CALY: variants seen among roughly 807,000 people sequenced by gnomAD.
CALY encodes neuron-specific vesicular protein calcyon.
CALY carries 15 observed loss-of-function variants against 20.2 expected under a neutral mutation model. The ratio of observed to expected loss-of-function variants is 0.74; its 90% CI spans 0.50 to 1.14. CALY has a LOEUF of 1.14. Among genes scored for constraint, CALY ranks in the 50% most tolerant of loss-of-function variants. CALY has a pLI of 0.00. For synonymous variants in CALY, 129 were observed against 131.8 expected, an observed-to-expected ratio of 0.98 and a Z score of 0.15; for missense variants, 270 against 304.4, an observed-to-expected ratio of 0.89 and a Z score of 0.84.
intron 1 of CALY, among the ~76,000 whole-genome samples, chr10:133,334,544 G>A (rs1299956867): frequency 1.5e-4 from 18 of 123,370 alleles, no homozygotes; most frequent in Non-Finnish European, 1.5e-4. Flanking sequence ...CTCTGAGGGG[G>A]GAAGGCTCTG....
intron 3 of CALY, chr10:133,327,659 A>G: frequency 1.6e-6 from 1 of 618,696 alleles, no homozygotes; most frequent in Non-Finnish European, 2.9e-6. Context: ...GGCACTTCCC[A>G]GAAAGAAAAA....
At position 133,325,936 on chromosome 10, in the gene CALY, G is replaced by A. The variant is rs1473961402; in HGVS notation, c.545C>T (p.Ala182Val). 2 of 1,371,922 alleles carry A rather than the reference G, an allele frequency of 1.5e-6. No individual in the cohort carries two copies. Among genetic ancestry groups the A allele is most frequent in the Admixed American group, 3.0e-5 (1 of 33,050 alleles). The allele number at this position is 1,371,922 out of a possible 1,614,324, so 85.0% of individuals were successfully genotyped here. A position where few individuals can be genotyped will look rare whatever the true frequency, so the allele number is the denominator to read the frequency against. ...TTCGGTGGCCGCCGCCGCCGCCCCA[G>A]CCTGGGTGGGCCCCTTGCGCTCCTC... ...AKEERKGPTQ[A>V]GAAAAATEPP... The change falls in exon 5 of 6, where the codon GCT (alanine) becomes GTT (valine). Residue 182 changes from alanine (A) to valine (V), a missense_variant. Transcript: ENST00000252939.
Position 133,326,092 on chromosome 10 carries a change from T to A in CALY, c.389A>T (p.Glu130Val). The A allele has an allele frequency of 6.3e-7, 1 of 1,598,914 alleles. No homozygotes were observed. Among genetic ancestry groups the A allele is most frequent in the Non-Finnish European group, 8.5e-7 (1 of 1,170,212 alleles). Residue 130 changes from glutamate (E) to valine (V), a missense_variant, in exon 5 of 6, where the codon GAG becomes GTG. Coordinates refer to ENST00000252939, the MANE Select transcript of CALY (RefSeq NM_015722.4). ...RHKICTPLTL[E>V]MYYTEMDPER... ...GGGGTCCATCTCCGTGTAGTACATC[T>A]CCAGGGTCAGCGGCGTGCAGATCTT...
At chr10:133,326,638 AC>A (rs1378207313) in intron 4 of CALY, among the ~76,000 whole-genome samples, 1 of 152,146 alleles carries the variant, frequency 6.6e-6, no homozygotes, top group Non-Finnish European at 1.5e-5. Context: ...CTGCAGGGTG[AC>A]CTTTTCTGCC....
At chr10:133,326,173 C>A (rs1848205914) in intron 4 of CALY, 53 bp from the exon 5 acceptor site, 1 of 1,570,476 alleles carries the variant, frequency 6.4e-7, no homozygotes, top group Admixed American at 1.9e-5. Flanking sequence ...CTGTGCGCCC[C>A]GGGCCCAGGC....
At chr10:133,336,098 G>C (rs1207915689) in intron 1 of CALY, among the ~76,000 whole-genome samples, 1 of 152,104 alleles carries the variant, frequency 6.6e-6, no homozygotes, top group Non-Finnish European at 1.5e-5. Flanking sequence ...GGATCTGAGG[G>C]TCCCGCCCAG....
At chr10:133,327,729 TG>T in intron 3 of CALY, 175 bp downstream of exon 3, 1 of 702,032 alleles carries the variant, frequency 1.4e-6, no homozygotes. Flanking sequence ...GGGGGCCTGG[TG>T]GGTGCAGGGC....
Position 133,334,875 on chromosome 10 carries a change from G to A in CALY, c.-21+1959C>T, listed in dbSNP as rs541853452. Among the ~76,000 whole-genome samples, 7 of 152,174 alleles carry A rather than the reference G, an allele frequency of 4.6e-5. No homozygotes were observed. In the East Asian group the frequency reaches 1.2e-3, roughly 25 times the overall value. ...CATCGCAGGCGACCCTGTGCCTGCC[G>A]GGCCTTTCTGGAAGAGGCCGTGCGG... On this transcript the variant is annotated intron_variant, in intron 1 of 5. Coordinates refer to ENST00000252939, the MANE Select transcript of CALY (RefSeq NM_015722.4).
At chr10:133,333,837 G>C (rs746704879) in intron 1 of CALY, among the ~76,000 whole-genome samples, 1 of 394 alleles carries the variant, frequency 2.5e-3, no homozygotes, top group African/African-American at 8.6e-3. Flanking sequence ...AGGATCTGAG[G>C]GGGGAAGGCT....
At chr10:133,326,174 G>A in intron 4 of CALY, 54 bp from the exon 5 acceptor site, 11 of 1,570,844 alleles carry the variant, frequency 7.0e-6, no homozygotes, top group East Asian at 2.4e-5. Flanking sequence ...TGTGCGCCCC[G>A]GGCCCAGGCC....
rs1256864283 is a variant in CALY, at chr10:133,326,877, C to T, written c.360+1G>A. 1 of 1,599,976 alleles carries T rather than the reference C, an allele frequency of 6.3e-7. No individual in the cohort carries two copies. ...CCCCACCAGAGCCCTGGCCCCCTTA[C>T]CCGCAGCAGGAAGCCGTCGGGGCAG... On this transcript the variant is annotated splice_donor_variant, in intron 4 of 5. Transcript: ENST00000252939. LOFTEE classifies it high-confidence loss of function.
chr10:133,329,389 C>CTTTTTTTTTTTTTT (rs1325679515), intron 1 of CALY, among the ~76,000 whole-genome samples: 18 of 99,602 alleles, frequency 1.8e-4, no homozygotes, highest in African/African-American at 7.3e-4. Context: ...TCTTCTTCTT[C>CTTTTTTTTTTTTTT]TTCTTTTTTT....
intron 3 of CALY, 173 bp downstream of exon 3, chr10:133,327,732 G>A: frequency 1.4e-6 from 1 of 709,580 alleles, no homozygotes; most frequent in Non-Finnish European, 2.6e-6. Context: ...GGCCTGGTGG[G>A]TGCAGGGCAG....
chr10:133,328,614 G>T (rs115501977), intron 2 of CALY, among the ~76,000 whole-genome samples: 3 of 152,246 alleles, frequency 2.0e-5, no homozygotes, highest in African/African-American at 4.8e-5. Context: ...GTGCTGTCTA[G>T]GAGTCAGTGC....
chr10:133,336,029 A>T (rs1053826509), intron 1 of CALY, among the ~76,000 whole-genome samples: 2 of 152,032 alleles, frequency 1.3e-5, no homozygotes, highest in Non-Finnish European at 1.5e-5. Context: ...ATGCTGCGTC[A>T]CGCTGGGGGG....
chr10:133,326,982 C>G lies in CALY; in HGVS notation c.256G>C (p.Ala86Pro), dbSNP rs149330191. Reference sequence around the variant, plus strand: ...GCCATGGCGAAGGCGATCATCCGTGCGGTGGGCAGCTGGCAGGAGGGCAGA... The same window carrying G: ...GCCATGGCGAAGGCGATCATCCGTGGGGTGGGCAGCTGGCAGGAGGGCAGA... Reference protein sequence around the residue: ...HPEEGRRLPTARMIAFAMALL... With the variant: ...HPEEGRRLPTPRMIAFAMALL... Residue 86 changes from alanine to proline, a missense_variant, in exon 4 of 6, where the codon GCA (alanine) becomes CCA (proline). Coordinates refer to ENST00000252939, the MANE Select transcript of CALY (RefSeq NM_015722.4). 1.2e-6 allele frequency: 2 copies of G among 1,606,560 alleles called. No individual in the cohort carries two copies. Among genetic ancestry groups the G allele is most frequent in the East Asian group, 2.2e-5 (1 of 44,582 alleles).
intron 3 of CALY, chr10:133,327,561 T>G (rs1444255147): frequency 3.4e-6 from 2 of 582,218 alleles, no homozygotes; most frequent in Admixed American, 6.2e-5. Context: ...CCAGATATAC[T>G]GCAGAAAGGA....
intron 1 of CALY, among the ~76,000 whole-genome samples, chr10:133,335,064 A>G (rs1848413299): frequency 6.6e-6 from 1 of 152,124 alleles, no homozygotes; most frequent in Non-Finnish European, 1.5e-5. Context: ...GCTCAGATAC[A>G]GGAGCGATCG....
At chr10:133,329,389 CTTCT>C (rs1848266483) in intron 1 of CALY, among the ~76,000 whole-genome samples, 1 of 99,614 alleles carries the variant, frequency 1.0e-5, no homozygotes, top group African/African-American at 4.1e-5. Flanking sequence ...TCTTCTTCTT[CTTCT>C]TTTTTTTTTT....
Sources: gnomAD v4.1 joint callset for allele counts (sites outside exome capture counted in the v4.1 genomes callset) on GRCh38, gnomAD v4.1.1 for gene constraint, MANE v1.5 for transcripts, NCBI Gene and HGNC (gene_info 2026-07-23, HGNC 2026-07-21) for gene names.